Variants in AKAP6 observed in about 807,000 individuals in gnomAD.
AKAP6 encodes the protein A-kinase anchor protein 6.
In AKAP6, 58 loss-of-function variants were observed where a neutral mutation model predicts 188.5. The observed-to-expected ratio is 0.31, with a 90% CI of 0.25 to 0.38. AKAP6 has a LOEUF of 0.38. AKAP6 is among the 10% of genes least tolerant of loss of function. The pLI is 1.00. For synonymous variants in AKAP6, 989 were observed against 998.6 expected, an observed-to-expected ratio of 0.99 and a Z score of 0.18; for missense variants, 2,710 against 2,740.0, an observed-to-expected ratio of 0.99 and a Z score of 0.24.
chr14:32,378,255 A>T (rs1426800928), intron 1 of AKAP6, among the ~76,000 whole-genome samples: 1 of 152,232 alleles, frequency 6.6e-6, no homozygotes, highest in Admixed American at 6.5e-5. Flanking sequence ...AGCAAGTATT[A>T]GATTTTGTTC....
At position 32,545,214 on chromosome 14, in the gene AKAP6, C is replaced by T; in HGVS notation, c.577-16C>T. The stretch of plus-strand genomic sequence containing the variant: ...GATGTTGCATTTACTGAAACCATTG[C>T]CATTGTCTGTTTCAGGGCCGGCTTG... On this transcript the variant is annotated splice_polypyrimidine_tract_variant and intron_variant, in intron 3 of 13. Coordinates refer to ENST00000280979, the MANE Select transcript of AKAP6 (RefSeq NM_004274.5). 1 of 1,604,014 alleles carries T rather than the reference C, an allele frequency of 6.2e-7. No homozygotes were observed. Among genetic ancestry groups the T allele is most frequent in the Non-Finnish European group, 8.5e-7 (1 of 1,172,512 alleles).
Position 32,716,929 on chromosome 14 carries a change from G to A in AKAP6, c.3001-15525G>A, listed in dbSNP as rs1210369705. Reference sequence around the variant, plus strand: ...TCTTATTAATGGTGTATTTTATATCGGGATCTAAAATTTCTTACAAGTATG... The same window carrying A: ...TCTTATTAATGGTGTATTTTATATCAGGATCTAAAATTTCTTACAAGTATG... On this transcript the variant is annotated intron_variant, in intron 9 of 13. Coordinates refer to ENST00000280979, the MANE Select transcript of AKAP6 (RefSeq NM_004274.5). 3.3e-5 allele frequency among the ~76,000 whole-genome samples: 5 copies of A among 151,874 alleles called. No homozygotes were observed. The South Asian group carries it at 6.3e-4, about 19-fold the overall frequency.
At chr14:32,438,815 C>T (rs969002965) in intron 2 of AKAP6, 3 of 152,130 alleles carry the variant, frequency 2.0e-5, no homozygotes, top group African/African-American at 7.2e-5. Context: ...TAACTGAGAC[C>T]TCTGGTTTGG....
chr14:32,499,760 C>T (rs1397417529), intron 2 of AKAP6, among the ~76,000 whole-genome samples: 4 of 151,286 alleles, frequency 2.6e-5, no homozygotes, highest in Admixed American at 2.0e-4. Flanking sequence ...ATATATTTTA[C>T]ATGTTTAATT....
intron 2 of AKAP6, among the ~76,000 whole-genome samples, chr14:32,457,429 C>T (rs565241076): frequency 2.0e-5 from 3 of 152,074 alleles, no homozygotes; most frequent in Non-Finnish European, 4.4e-5. Flanking sequence ...TAGAAACTTG[C>T]CTTGGGTAAC....
At position 32,710,498 on chromosome 14, in the gene AKAP6, G is replaced by A. The variant is rs77821426; in HGVS notation, c.3000+14388G>A. 1.1e-3 allele frequency among the ~76,000 whole-genome samples: 173 copies of A among 152,156 alleles called. 1 individual carries two copies. The East Asian group carries it at 0.014, about 13-fold the overall frequency. On this transcript the variant is annotated intron_variant, in intron 9 of 13. Coordinates refer to ENST00000280979, the MANE Select transcript of AKAP6 (RefSeq NM_004274.5). ...TGTTAAGAGACACACAACATTTCAAGGGAACATGAGGTGGAGAAACAGGAG... is the reference window on the plus strand; with the variant it reads ...TGTTAAGAGACACACAACATTTCAAAGGAACATGAGGTGGAGAAACAGGAG...
Position 32,819,943 on chromosome 14 carries a change from G to A in AKAP6, c.3589-1459G>A, listed in dbSNP as rs371197918. Among the ~76,000 whole-genome samples the A allele has an allele frequency of 5.7e-4, 87 of 152,030 alleles. No homozygotes were observed. In the Middle Eastern group the frequency reaches 0.01, roughly 18 times the overall value. The stretch of plus-strand genomic sequence containing the variant: ...AGCCTGAGCGACAGAGCAAGACTGT[G>A]TCAAAAAAAGAAATACATATATATA... On this transcript the variant is annotated intron_variant, in intron 12 of 13. Coordinates refer to ENST00000280979, the MANE Select transcript of AKAP6 (RefSeq NM_004274.5).
chr14:32,535,007 A>G (rs1187604702), intron 2 of AKAP6, among the ~76,000 whole-genome samples: 1 of 144,622 alleles, frequency 6.9e-6, no homozygotes, highest in Non-Finnish European at 1.5e-5. Context: ...AAAAAAAAAC[A>G]CTGAATTTGA....
intron 7 of AKAP6, among the ~76,000 whole-genome samples, chr14:32,640,306 T>C (rs1051419259): frequency 5.3e-5 from 8 of 152,112 alleles, no homozygotes; most frequent in African/African-American, 1.4e-4. Context: ...CTAGGTCTAA[T>C]TATATCTAAT....
At chr14:32,736,642 ATCT>A (rs2139846159) in intron 11 of AKAP6, among the ~76,000 whole-genome samples, 1 of 152,266 alleles carries the variant, frequency 6.6e-6, no homozygotes, top group Admixed American at 6.5e-5. Context: ...GTGGCAATAA[ATCT>A]TCATCATGAG....
chr14:32,667,162 A>T (rs1443216996), intron 7 of AKAP6, among the ~76,000 whole-genome samples: 1 of 152,126 alleles, frequency 6.6e-6, no homozygotes, highest in Non-Finnish European at 1.5e-5. Flanking sequence ...TTTATCGTGC[A>T]TGACCCTCGG....
At chr14:32,592,818 T>C (rs1885541727) in intron 5 of AKAP6, among the ~76,000 whole-genome samples, 1 of 152,142 alleles carries the variant, frequency 6.6e-6, no homozygotes, top group African/African-American at 2.4e-5. Context: ...CCGTCATCTA[T>C]AGATGAAGAA....
chr14:32,600,735 C>T lies in AKAP6; in HGVS notation c.2673C>T (p.Ala891=), dbSNP rs141301966. 3.1e-5 allele frequency: 50 copies of T among 1,613,334 alleles called. No homozygotes were observed. The African/African-American group carries it at 4.1e-4, about 13-fold the overall frequency. The part of the protein sequence containing the change: ...WILRALDTIK[A]EILATDVSVE... ...TCAGGGCTCTGGATACCATCAAAGC[C>T]GAGATACTGGCTACTGATGTGTCTG... is the stretch of plus-strand genomic sequence containing the variant. The change falls in exon 7 of 14, where the codon GCC becomes GCT. Residue 891 remains alanine, a synonymous_variant. Coordinates refer to ENST00000280979, the MANE Select transcript of AKAP6 (RefSeq NM_004274.5).
rs936900436 is a variant in AKAP6 at position 32,835,236 on chromosome 14, G to C, written c.*5431G>C. 4.0e-5 allele frequency: 6 copies of C among 151,664 alleles called. No homozygotes were observed. Among genetic ancestry groups the C allele is most frequent in the Admixed American group, 4.0e-4 (6 of 15,184 alleles). The allele number at this position is 151,664 out of a possible 1,614,324, so 9.4% of individuals were successfully genotyped here. A position where few individuals can be genotyped will look rare whatever the true frequency, so the allele number is the denominator to read the frequency against. On this transcript the variant is annotated 3_prime_UTR_variant, in exon 14 of 14. Coordinates refer to ENST00000280979, the MANE Select transcript of AKAP6 (RefSeq NM_004274.5). ...GGATAGATTTCCATTTGCAAATTCA[G>C]TGTAAGACATAAACACCGGCAATAG...
At chr14:32,701,060 A>G (rs761334537) in intron 9 of AKAP6, among the ~76,000 whole-genome samples, 34 of 152,218 alleles carry the variant, frequency 2.2e-4, no homozygotes, top group Admixed American at 9.8e-4. Context: ...CTTCATTCAT[A>G]TAAGTCCAAA....
intron 11 of AKAP6, among the ~76,000 whole-genome samples, chr14:32,758,755 A>G (rs946828189): frequency 7.2e-5 from 11 of 152,162 alleles, no homozygotes; most frequent in Admixed American, 4.6e-4. Context: ...CAAACAAAAA[A>G]TGATGATCAC....
chr14:32,557,768 C>T (rs1465857006), intron 4 of AKAP6, among the ~76,000 whole-genome samples: 1 of 152,144 alleles, frequency 6.6e-6, no homozygotes, highest in Non-Finnish European at 1.5e-5. Context: ...GTTGCTAGTC[C>T]TCCTCTTGTC....
At chr14:32,542,617 G>T (rs946419062) in intron 3 of AKAP6, among the ~76,000 whole-genome samples, 1 of 152,190 alleles carries the variant, frequency 6.6e-6, no homozygotes, top group Non-Finnish European at 1.5e-5. Context: ...TAGTTAAGGG[G>T]TATAGGTTGG....
At chr14:32,734,323 G>T (rs1196474663) in intron 10 of AKAP6, 1 of 152,118 alleles carries the variant, frequency 6.6e-6, no homozygotes, top group East Asian at 1.9e-4. Flanking sequence ...GAACAGTGTG[G>T]AATGGAAATA....
Sources: allele counts gnomAD v4.1 joint callset (sites outside exome capture counted in the v4.1 genomes callset), GRCh38; gene constraint gnomAD v4.1.1; transcripts MANE v1.5; gene names NCBI Gene and HGNC (gene_info 2026-07-23, HGNC 2026-07-21).